KCNH7: variants seen among roughly 807,000 people sequenced by gnomAD.
The protein encoded by KCNH7 is potassium voltage-gated channel subfamily H member 7.
KCNH7 carries 49 observed loss-of-function variants against 120.8 expected under a neutral mutation model. The ratio of observed to expected loss-of-function variants is 0.41; its 90% confidence interval spans 0.32 to 0.51. KCNH7 has a LOEUF of 0.51. Ranked by LOEUF, KCNH7 falls within the 20% of genes least tolerant of loss-of-function variation. The pLI is 0.38. For synonymous variants in KCNH7, 547 were observed against 516.1 expected (o/e 1.06, Z -0.81); for missense variants, 1,097 against 1,446.6 (o/e 0.76, Z 3.92).
intron 6 of KCNH7, among the ~76,000 whole-genome samples, chr2:162,485,170 A>G (rs1690053681): frequency 6.6e-6 from 1 of 152,162 alleles, no homozygotes; most frequent in Admixed American, 6.5e-5. Context: ...ACTTTTCTTC[A>G]TGTTAATTTT....
chr2:162,694,764 G>A (rs1214948642), intron 2 of KCNH7, among the ~76,000 whole-genome samples: 1 of 148,672 alleles, frequency 6.7e-6, no homozygotes, highest in Admixed American at 6.7e-5. Context: ...TTTTTTTTTA[G>A]ACGGAGTCTC....
intron 8 of KCNH7, among the ~76,000 whole-genome samples, chr2:162,428,175 T>A (rs1199931268): frequency 1.3e-5 from 2 of 151,948 alleles, no homozygotes; most frequent in African/African-American, 4.8e-5. Flanking sequence ...AGGTGCCCTA[T>A]ACAAATTTTG....
intron 2 of KCNH7, among the ~76,000 whole-genome samples, chr2:162,643,513 G>A (rs996740651): frequency 6.6e-6 from 1 of 151,926 alleles, no homozygotes; most frequent in Non-Finnish European, 1.5e-5. Context: ...ATTGTTTAAA[G>A]AAAAATGATT....
intron 2 of KCNH7, among the ~76,000 whole-genome samples, chr2:162,802,407 T>C (rs947350962): frequency 6.6e-6 from 1 of 151,712 alleles, no homozygotes; most frequent in African/African-American, 2.4e-5. Flanking sequence ...AGACGACTTT[T>C]GTTAAACTTC....
chr2:162,384,985 T>C, intron 12 of KCNH7, 46 bp from the exon 13 acceptor site: 1 of 1,491,112 alleles, frequency 6.7e-7, no homozygotes, highest in Non-Finnish European at 9.2e-7. Flanking sequence ...AGCAGACAAT[T>C]AAATGTGAGA....
chr2:162,524,414 GGTATT>G (rs1558994062), intron 3 of KCNH7, among the ~76,000 whole-genome samples: 3 of 151,994 alleles, frequency 2.0e-5, no homozygotes, highest in Non-Finnish European at 4.4e-5. Flanking sequence ...TGGAACAGCT[GGTATT>G]TCCAGCAGCT....
chr2:162,452,050 G>A (rs2105574995), intron 6 of KCNH7, among the ~76,000 whole-genome samples: 1 of 152,116 alleles, frequency 6.6e-6, no homozygotes, highest in South Asian at 2.1e-4. Flanking sequence ...TGATATTATA[G>A]TTATGTGCTT....
chr2:162,780,518 G>A (rs543149564), intron 2 of KCNH7, among the ~76,000 whole-genome samples: 8 of 152,260 alleles, frequency 5.3e-5, no homozygotes, highest in East Asian at 3.9e-4. Context: ...TCTAAGGGTA[G>A]GGGCAGAAAA....
intron 6 of KCNH7, among the ~76,000 whole-genome samples, chr2:162,499,318 G>T (rs963517584): frequency 3.9e-5 from 6 of 151,994 alleles, no homozygotes; most frequent in Admixed American, 2.6e-4. Context: ...CCTTACCTTT[G>T]TTCTCCGCCC....
chr2:162,829,554 T>A (rs1316392628), intron 2 of KCNH7, among the ~76,000 whole-genome samples: 1 of 152,252 alleles, frequency 6.6e-6, no homozygotes, highest in East Asian at 1.9e-4. Context: ...GAGACACTGG[T>A]AAGTCATTGG....
chr2:162,613,822 A>G (rs1683051268), intron 2 of KCNH7, among the ~76,000 whole-genome samples: 2 of 152,056 alleles, frequency 1.3e-5, no homozygotes, highest in African/African-American at 4.8e-5. Context: ...AAGAAGGGAA[A>G]GGGTAATCGT....
chr2:162,442,589 T>A (rs1688458320), intron 7 of KCNH7, among the ~76,000 whole-genome samples: 1 of 152,116 alleles, frequency 6.6e-6, no homozygotes, highest in Admixed American at 6.5e-5. Flanking sequence ...CCGGGCACAC[T>A]GGCTCACGCC....
In KCNH7 at chr2:162,752,934, A is replaced by G. The variant is rs1574343036; in HGVS notation, c.307+83603T>C. Among the ~76,000 whole-genome samples, 49 of 90,406 alleles carry G rather than the reference A, an allele frequency of 5.4e-4. No individual in the cohort carries two copies. In the East Asian group the frequency reaches 7.8e-3, roughly 14 times the overall value. 59.3% of individuals were successfully genotyped at this position (90,406 alleles called of 152,430 possible). On this transcript the variant is annotated intron_variant, in intron 2 of 15. Transcript: ENST00000332142. ...AAAAGAAAAGAAAAGAAAAGAAAAG[A>G]AAAGAAAAGAAAAGAAAAGAAAAGA...
chr2:162,488,336 T>A (rs960542888), intron 6 of KCNH7, among the ~76,000 whole-genome samples: 54 of 152,190 alleles, frequency 3.5e-4, no homozygotes, highest in Admixed American at 3.5e-3. Context: ...GGATATGATA[T>A]TTTTTTTCTT....
At position 162,409,361 on chromosome 2, in the gene KCNH7, A is replaced by G. The variant is rs183421199; in HGVS notation, c.2155-8920T>C. On this transcript the variant is annotated intron_variant, in intron 9 of 15. Transcript: ENST00000332142. ...AATTCTTGATAAAATGGAAATTATT[A>G]TATTGACTAAAGAAGAAGTAGAACA... 1.8e-3 allele frequency among the ~76,000 whole-genome samples: 278 copies of G among 152,080 alleles called. 3 individuals carry two copies. Among genetic ancestry groups the G allele is most frequent in the African/African-American group, 6.3e-3 (261 of 41,570 alleles).
intron 2 of KCNH7, among the ~76,000 whole-genome samples, chr2:162,615,982 G>A (rs1317220610): frequency 6.6e-6 from 1 of 152,128 alleles, no homozygotes. Context: ...TTAGAGATAG[G>A]AAAATTGCTG....
intron 2 of KCNH7, among the ~76,000 whole-genome samples, chr2:162,789,688 A>G (rs1683851279): frequency 6.6e-6 from 1 of 152,050 alleles, no homozygotes; most frequent in African/African-American, 2.4e-5. Context: ...GAAATTAGAA[A>G]ACAATAACAG....
intron 2 of KCNH7, among the ~76,000 whole-genome samples, chr2:162,616,016 T>C (rs1341924559): frequency 6.6e-6 from 1 of 152,218 alleles, no homozygotes; most frequent in Non-Finnish European, 1.5e-5. Flanking sequence ...CACTATGGTT[T>C]TGTAAACTGC....
In KCNH7 at chr2:162,498,737, A is replaced by G. The variant is rs141152919; in HGVS notation, c.1128+5706T>C. Among the ~76,000 whole-genome samples the G allele has an allele frequency of 5.4e-4, 82 of 152,204 alleles. 2 individuals carry two copies. In the East Asian group the frequency reaches 0.011, roughly 21 times the overall value. ...TGGGAATAATATGGACACTGGAAGA[A>G]AGAAGGTCCTTCTCCCCAAATTACT... On this transcript the variant is annotated intron_variant, in intron 6 of 15. Coordinates refer to ENST00000332142, the MANE Select transcript of KCNH7 (RefSeq NM_033272.4).
Sources: gnomAD v4.1 joint callset for allele counts (sites outside exome capture counted in the v4.1 genomes callset) on GRCh38, gnomAD v4.1.1 for gene constraint, MANE v1.5 for transcripts, NCBI Gene and HGNC (gene_info 2026-07-23, HGNC 2026-07-21) for gene names.